The following OPN4 variants were observed in gnomAD, a reference collection of about 807,000 sequenced individuals.
The protein encoded by OPN4 is melanopsin.
A neutral mutation model predicts 49.5 loss-of-function variants in OPN4; 43 were observed. The observed-to-expected ratio is 0.87, with a 90% CI of 0.68 to 1.12. The LOEUF (loss-of-function observed/expected upper bound fraction) is 1.12. Ranked by LOEUF, OPN4 falls within the 50% of genes most tolerant of loss-of-function variation. OPN4 has a pLI of 0.00. For synonymous variants in OPN4, 263 were observed against 258.0 expected, an observed-to-expected ratio of 1.02 and a Z score of -0.19; for missense variants, 657 against 643.9, an observed-to-expected ratio of 1.02 and a Z score of -0.22.
In OPN4 at chr10:86,658,182, C is replaced by T. The variant is rs375929272; in HGVS notation, c.424+17C>T. On this transcript the variant is annotated intron_variant, in intron 3 of 9. Coordinates refer to ENST00000241891, the MANE Select transcript of OPN4 (RefSeq NM_033282.4). The stretch of plus-strand genomic sequence containing the variant: ...GGGAGACAGGTAGATGCTGGGGCTC[C>T]CTTTTGCTGGAGGGAGGAGGAGGGT... 37 of 1,611,476 alleles carry T rather than the reference C, an allele frequency of 2.3e-5. No homozygotes were observed. The highest frequency in any genetic ancestry group is 8.4e-5 in the Admixed American group (5 of 59,380).
Position 86,657,425 on chromosome 10 carries a change from A to T in OPN4, c.291-607A>T, listed in dbSNP as rs111466800. ...CCTGGCCCGGCCGTGGTGCACAGCCATCAGCTCCTCTGCCCTTGGCCATCC... is the reference window on the plus strand; with the variant it reads ...CCTGGCCCGGCCGTGGTGCACAGCCTTCAGCTCCTCTGCCCTTGGCCATCC... On this transcript the variant is annotated intron_variant, in intron 2 of 9. Transcript: ENST00000241891. Among the ~76,000 whole-genome samples the T allele has an allele frequency of 5.1e-3, 777 of 152,270 alleles. 8 individuals are homozygous for T. Among genetic ancestry groups the T allele is most frequent in the South Asian group, 0.042 (205 of 4,826 alleles).
chr10:86,662,801 T>C (rs1205919053), intron 8 of OPN4, among the ~76,000 whole-genome samples: 1 of 152,240 alleles, frequency 6.6e-6, no homozygotes, highest in Non-Finnish European at 1.5e-5. Flanking sequence ...AGGCAGGAGT[T>C]AGCTTGGAGC....
At chr10:86,655,012 A>G (rs1187014656) in intron 1 of OPN4, 85 bp downstream of exon 1, 35 of 1,403,392 alleles carry the variant, frequency 2.5e-5, no homozygotes, top group Non-Finnish European at 3.4e-5. Flanking sequence ...GGGCTTTGAC[A>G]GGGAGATAGA....
In OPN4 at chr10:86,658,668, G is replaced by T; in HGVS notation, c.609G>T (p.Leu203=). 2 of 1,612,964 alleles carry T rather than the reference G, an allele frequency of 1.2e-6. No homozygotes were observed. The highest frequency in any genetic ancestry group is 8.5e-7 in the Non-Finnish European group (1 of 1,180,040). Residue 203 remains leucine, a synonymous_variant, in exon 4 of 10, where the codon CTG becomes CTT. Coordinates refer to ENST00000241891, the MANE Select transcript of OPN4 (RefSeq NM_033282.4). ...GVWLYALAWS[L]PPFFGWSAYV... is the part of the protein sequence containing the mutation. ...GGCTCTATGCCCTGGCCTGGAGTCTGCCACCCTTCTTCGGCTGGAGTAAGT... is the reference window on the plus strand; with the variant it reads ...GGCTCTATGCCCTGGCCTGGAGTCTTCCACCCTTCTTCGGCTGGAGTAAGT...
intron 8 of OPN4, among the ~76,000 whole-genome samples, chr10:86,663,306 G>T (rs976025112): frequency 1.3e-5 from 2 of 152,172 alleles, no homozygotes; most frequent in African/African-American, 4.8e-5. Flanking sequence ...GCTGTCAGAG[G>T]TCCCTCCTGT....
At chr10:86,657,074 C>A in intron 2 of OPN4, 1 of 670,706 alleles carries the variant, frequency 1.5e-6, no homozygotes, top group Non-Finnish European at 2.8e-6. Context: ...CTGAGACAGG[C>A]AGGTGGAGAA....
intron 4 of OPN4, 104 bp from the exon 5 acceptor site, chr10:86,659,193 C>G: frequency 2.2e-6 from 2 of 889,206 alleles, no homozygotes; most frequent in South Asian, 3.2e-5. Context: ...AGGTCAGGGC[C>G]AGGGCTGTGT....
rs765317599 is a variant in OPN4 at position 86,659,910 on chromosome 10, CG to C, written c.820del (p.Ala274ProfsTer54). On this transcript the variant is annotated frameshift_variant, in exon 6 of 10. Transcript: ENST00000241891. LOFTEE classifies it high-confidence loss of function. ...TCCTTCCTAGGGCTCTCCAGACCTT[CG>C]GGGCCTGCAAGGGCAATGGCGAGTC... ...RETGRALQTF[G>X]ACKGNGESLW... 2.8e-5 allele frequency: 46 copies of C among 1,614,064 alleles called. No individual in the cohort carries two copies. The East Asian group carries it at 1.0e-3, about 36-fold the overall frequency.
Position 86,666,016 on chromosome 10 carries a change from C to A in OPN4, c.*265C>A. 5.8e-6 allele frequency: 3 copies of A among 521,380 alleles called. No homozygotes were observed. Among genetic ancestry groups the A allele is most frequent in the Middle Eastern group, 5.0e-4 (1 of 2,010 alleles). 32.3% of individuals were successfully genotyped at this position (521,380 alleles called of 1,614,324 possible). The stretch of plus-strand genomic sequence containing the variant: ...AGGGGTATGTGCCCAGGCCCTCCCA[C>A]TTCCCGAGTTGTCTGCCTCTCCTCA... On this transcript the variant is annotated 3_prime_UTR_variant, in exon 10 of 10. Transcript: ENST00000241891.
chr10:86,656,683 G>A (rs1162833943), intron 2 of OPN4, among the ~76,000 whole-genome samples: 4 of 152,082 alleles, frequency 2.6e-5, no homozygotes, highest in South Asian at 2.1e-4. Context: ...GGTGGCTCCC[G>A]CCTGTAATCC....
rs887006586 is a variant in OPN4 at position 86,654,564 on chromosome 10, C to T, written c.-220C>T. 5.4e-5 allele frequency: 30 copies of T among 552,050 alleles called. No individual in the cohort carries two copies. Among genetic ancestry groups the T allele is most frequent in the Non-Finnish European group, 9.2e-5 (29 of 314,592 alleles). 34.2% of individuals were successfully genotyped at this position (552,050 alleles called of 1,614,324 possible). A position where few individuals can be genotyped will look rare whatever the true frequency, so the allele number is the denominator to read the frequency against. ...CTGTGGCTGTGAGTCACCATAACTG[C>T]GACACTCACTCATTTGCGCTTCACC... On this transcript the variant is annotated 5_prime_UTR_variant, in exon 1 of 10. Transcript: ENST00000241891.
chr10:86,660,066 A>G lies in OPN4; in HGVS notation c.965+7A>G. ...CCCTGGTGGCCTTTGCTGGGTAAGC[A>G]GTGGCTAAAGGGTTGGGGAAGAGGC... On this transcript the variant is annotated splice_region_variant and intron_variant, in intron 6 of 9. Transcript: ENST00000241891. 1 of 1,614,034 alleles carries G rather than the reference A, an allele frequency of 6.2e-7. No individual in the cohort carries two copies.
chr10:86,665,568 A>G, intron 9 of OPN4, 145 bp from the exon 10 acceptor site: 1 of 662,710 alleles, frequency 1.5e-6, no homozygotes, highest in Admixed American at 2.5e-5. Context: ...GACTCTGGGA[A>G]GGCCCATCCC....
In OPN4 at chr10:86,662,313, A is replaced by C. The variant is rs1454777243; in HGVS notation, c.1135A>C (p.Ser379Arg). The part of the protein sequence containing the change: ...GVLLGVSRRH[S>R]RPYPSYRSTH... The stretch of plus-strand genomic sequence containing the variant: ...GCTGCTGGGTGTATCACGCCGGCAC[A>C]GTCGCCCCTACCCCAGCTACCGCTC... The change falls in exon 8 of 10, where the codon AGT becomes CGT. Residue 379 changes from serine to arginine, a missense_variant. By Grantham distance (110) the Ser-to-Arg change is moderately radical. Coordinates refer to ENST00000241891, the MANE Select transcript of OPN4 (RefSeq NM_033282.4). The C allele has an allele frequency of 6.2e-7, 1 of 1,607,224 alleles. No individual in the cohort carries two copies. Among genetic ancestry groups the C allele is most frequent in the Non-Finnish European group, 8.5e-7 (1 of 1,178,274 alleles).
At position 86,658,652 on chromosome 10, in the gene OPN4, C is replaced by T; in HGVS notation, c.593C>T (p.Ala198Val). 2 of 1,613,696 alleles carry T rather than the reference C, an allele frequency of 1.2e-6. No individual in the cohort carries two copies. The highest frequency in any genetic ancestry group is 1.1e-5 in the South Asian group (1 of 91,084). ...AFVLLGVWLYALAWSLPPFFG... is the reference protein window; with the variant it reads ...AFVLLGVWLYVLAWSLPPFFG... ...GTCCTGCTGGGCGTTTGGCTCTATGCCCTGGCCTGGAGTCTGCCACCCTTC... is the reference window on the plus strand; with the variant it reads ...GTCCTGCTGGGCGTTTGGCTCTATGTCCTGGCCTGGAGTCTGCCACCCTTC... Residue 198 changes from alanine to valine, a missense_variant, in exon 4 of 10, where the codon GCC (alanine) becomes GTC (valine). By Grantham distance (64) the Ala-to-Val change is moderately conservative (BLOSUM62 0). Coordinates refer to ENST00000241891, the MANE Select transcript of OPN4 (RefSeq NM_033282.4).
intron 9 of OPN4, 79 bp from the exon 10 acceptor site, chr10:86,665,634 C>T (rs1844145314): frequency 1.6e-6 from 2 of 1,225,690 alleles, no homozygotes; most frequent in East Asian, 2.3e-5. Flanking sequence ...CTCGGTGACC[C>T]AGTGTGTGGA....
chr10:86,659,612 G>A (rs1285591383), intron 5 of OPN4, 144 bp downstream of exon 5: 2 of 1,217,994 alleles, frequency 1.6e-6, no homozygotes, highest in South Asian at 1.6e-5. Flanking sequence ...TTATGGGGCA[G>A]CAGTGTCTAG....
At chr10:86,655,633 A>G (rs970260420) in intron 1 of OPN4, among the ~76,000 whole-genome samples, 1 of 152,178 alleles carries the variant, frequency 6.6e-6, no homozygotes, top group African/African-American at 2.4e-5. Context: ...CATGCCAGGC[A>G]TCAAGGTTAG....
Position 86,665,825 on chromosome 10 carries a change from G to A in OPN4, c.*74G>A. 1 of 1,192,228 alleles carries A rather than the reference G, an allele frequency of 8.4e-7. No homozygotes were observed. Among genetic ancestry groups the A allele is most frequent in the Middle Eastern group, 1.9e-4 (1 of 5,184 alleles). The allele number at this position is 1,192,228 out of a possible 1,614,324, so 73.9% of individuals were successfully genotyped here. On this transcript the variant is annotated 3_prime_UTR_variant, in exon 10 of 10. Coordinates refer to ENST00000241891, the MANE Select transcript of OPN4 (RefSeq NM_033282.4). Reference sequence around the variant, plus strand: ...CGTCTCCCTCATATACACAGACCCAGGATTATGCTGTGAGCCTGCAGGCTT... The same window carrying A: ...CGTCTCCCTCATATACACAGACCCAAGATTATGCTGTGAGCCTGCAGGCTT...
Sources: gnomAD v4.1 joint callset for allele counts (sites outside exome capture counted in the v4.1 genomes callset) on GRCh38, gnomAD v4.1.1 for gene constraint, MANE v1.5 for transcripts, NCBI Gene and HGNC (gene_info 2026-07-23, HGNC 2026-07-21) for gene names.